The following WHAMM variants were observed in gnomAD, a reference collection of about 807,000 sequenced individuals.
The protein encoded by WHAMM is WASP homolog associated with actin, golgi membranes and microtubules.
Under a neutral mutation model 76.5 loss-of-function variants are expected in WHAMM, and 67 were observed. That is an observed-to-expected ratio of 0.88 (90% CI 0.72 to 1.07). The LOEUF is 1.07. WHAMM is among the 50% of genes least tolerant of loss of function. The pLI, the probability that WHAMM is intolerant of heterozygous loss-of-function variation, is 0.00. For synonymous variants in WHAMM, 419 were observed against 422.1 expected, an observed-to-expected ratio of 0.99 and a Z score of 0.09; for missense variants, 1,021 against 1,051.1, an observed-to-expected ratio of 0.97 and a Z score of 0.40.
rs2050781748 is a variant in WHAMM at position 82,819,392 on chromosome 15, A to C, written c.1174A>C (p.Ile392Leu). 1 of 1,193,216 alleles carries C rather than the reference A, an allele frequency of 8.4e-7. No homozygotes were observed. 73.9% of individuals were successfully genotyped at this position (1,193,216 alleles called of 1,614,324 possible). A position where few individuals can be genotyped will look rare whatever the true frequency, so the allele number is the denominator to read the frequency against. ...VDELEIQFYE[I>L]QLELYEVKFE... is the part of the protein sequence containing the mutation. The stretch of plus-strand genomic sequence containing the variant: ...TGAATTAGAAATACAATTTTATGAA[A>C]TTCAATTAGAACTATATGAAGTTAA... The change falls in exon 5 of 10, where the codon ATT (isoleucine) becomes CTT (leucine). Residue 392 changes from isoleucine (I) to leucine (L), a missense_variant. Transcript: ENST00000286760.
At chr15:82,815,150 TATATA>T (rs1329151810) in intron 2 of WHAMM, among the ~76,000 whole-genome samples, 3,407 of 33,422 alleles carry the variant, frequency 0.1, 253 homozygotes, top group Middle Eastern at 0.2. Context: ...TATATATATA[TATATA>T]GTACAATTCA....
Position 82,823,128 on chromosome 15 carries a change from T to A in WHAMM, c.1299T>A (p.Asp433Glu), listed in dbSNP as rs1366349548. Reference sequence around the variant, plus strand: ...AACAAGATGAAGTTGTCTATTACGATCCATGTGAAAATCCAGAGGAACTTA... The same window carrying A: ...AACAAGATGAAGTTGTCTATTACGAACCATGTGAAAATCCAGAGGAACTTA... ...KEKQDEVVYY[D>E]PCENPEELKV... is the part of the protein sequence containing the mutation. The change falls in exon 6 of 10, where the codon GAT becomes GAA. Residue 433 changes from aspartate to glutamate, a missense_variant. Transcript: ENST00000286760. 2 of 1,442,872 alleles carry A rather than the reference T, an allele frequency of 1.4e-6. No individual in the cohort carries two copies. Among genetic ancestry groups the A allele is most frequent in the Non-Finnish European group, 1.8e-6 (2 of 1,085,906 alleles). 89.4% of individuals were successfully genotyped at this position (1,442,872 alleles called of 1,614,324 possible).
In WHAMM at chr15:82,833,076, G is replaced by T. The variant is rs569942952; in HGVS notation, c.2123-153G>T. Among the ~76,000 whole-genome samples the T allele has an allele frequency of 2.6e-5, 4 of 152,344 alleles. No homozygotes were observed. In the South Asian group the frequency reaches 8.3e-4, roughly 32 times the overall value. On this transcript the variant is annotated intron_variant, in intron 9 of 9. Transcript: ENST00000286760. Reference sequence around the variant, plus strand: ...CCTGGATTCAACCAGGGAGCTTATCGTTAGCACGTAATCAAGGCATTTGCT... The same window carrying T: ...CCTGGATTCAACCAGGGAGCTTATCTTTAGCACGTAATCAAGGCATTTGCT...
chr15:82,826,774 G>C lies in WHAMM; in HGVS notation c.1569G>C (p.Glu523Asp), dbSNP rs147529123. 206 of 1,547,444 alleles carry C rather than the reference G, an allele frequency of 1.3e-4. No homozygotes were observed. The African/African-American group carries it at 2.7e-3, about 20-fold the overall frequency. Residue 523 changes from glutamate to aspartate, a missense_variant, in exon 8 of 10, where the codon GAG becomes GAC. Physicochemically the swap from Glu to Asp is conservative, Grantham distance 45. Around this residue, in one of 3 missense-constraint regions of WHAMM, gnomAD observed 509 missense variants for 492.3 expected, o/e 1.03. Transcript: ENST00000286760. ...IQMKRDKIKE[E>D]EQKKKEWINQ... ...AGAAAAGAGACAAGATAAAAGAAGAGGAGCAAAAGAAAAAAGAATGGATCA... is the reference window on the plus strand; with the variant it reads ...AGAAAAGAGACAAGATAAAAGAAGACGAGCAAAAGAAAAAAGAATGGATCA...
intron 5 of WHAMM, among the ~76,000 whole-genome samples, chr15:82,821,239 TTTAA>T (rs975703216): frequency 6.6e-6 from 1 of 152,234 alleles, no homozygotes; most frequent in Non-Finnish European, 1.5e-5. Context: ...TTCAGAAATA[TTTAA>T]TTTTTATGAA....
chr15:82,828,574 A>T (rs1304049024), intron 8 of WHAMM, among the ~76,000 whole-genome samples: 1 of 152,198 alleles, frequency 6.6e-6, no homozygotes, highest in Non-Finnish European at 1.5e-5. Context: ...TCCAAGGGCA[A>T]CCAGCCCATC....
chr15:82,833,076 G>A (rs569942952), intron 9 of WHAMM, among the ~76,000 whole-genome samples, 153 bp from the exon 10 acceptor site: 3 of 152,226 alleles, frequency 2.0e-5, no homozygotes, highest in Non-Finnish European at 2.9e-5. Context: ...GGAGCTTATC[G>A]TTAGCACGTA....
intron 6 of WHAMM, among the ~76,000 whole-genome samples, chr15:82,823,990 T>C (rs1049756411): frequency 6.6e-6 from 1 of 152,148 alleles, no homozygotes; most frequent in Non-Finnish European, 1.5e-5. Flanking sequence ...AATATTCAGC[T>C]CACCTCAGAC....
At position 82,833,896 on chromosome 15, in the gene WHAMM, G is replaced by T; in HGVS notation, c.*360G>T. On this transcript the variant is annotated 3_prime_UTR_variant, in exon 10 of 10. Transcript: ENST00000286760. ...CTGGGACTACAGGCGCCACCACCTT[G>T]CCCAACTAATTTTTTGTATTTTTTA... 1 of 201,344 alleles carries T rather than the reference G, an allele frequency of 5.0e-6. No homozygotes were observed. Among genetic ancestry groups the T allele is most frequent in the South Asian group, 9.9e-5 (1 of 10,076 alleles). The allele number at this position is 201,344 out of a possible 1,614,324, so 12.5% of individuals were successfully genotyped here.
intron 9 of WHAMM, 73 bp downstream of exon 9, chr15:82,831,152 A>G: frequency 5.2e-6 from 8 of 1,527,624 alleles, no homozygotes; most frequent in Non-Finnish European, 7.0e-6. Flanking sequence ...TTCAGAAGCC[A>G]TCATCTTCAA....
In WHAMM at chr15:82,835,402, G is replaced by T. The variant is rs1309755032; in HGVS notation, c.*1866G>T. 1.3e-5 allele frequency: 2 copies of T among 152,504 alleles called. No individual in the cohort carries two copies. The highest frequency in any genetic ancestry group is 4.8e-5 in the African/African-American group (2 of 41,476). The allele number at this position is 152,504 out of a possible 1,614,324, so 9.4% of individuals were successfully genotyped here. On this transcript the variant is annotated 3_prime_UTR_variant, in exon 10 of 10. Coordinates refer to ENST00000286760, the MANE Select transcript of WHAMM (RefSeq NM_001080435.3). ...GCCTCCCAAATGCTGGGGGTTACAG[G>T]CGTGAGCCACCACACCTGGCCTTCC...
In WHAMM at chr15:82,809,978, C is replaced by T. The variant is rs2050597426; in HGVS notation, c.252C>T (p.Ala84=). The T allele has an allele frequency of 7.8e-7, 1 of 1,288,044 alleles. No homozygotes were observed. 79.8% of individuals were successfully genotyped at this position (1,288,044 alleles called of 1,614,324 possible). ...CCAGCTGGGCCGGCCTGCTCTCGGC[C>T]GCGGGGCTCCGCGGCGCGCACCGGC... The part of the protein sequence containing the change: ...SPSSWAGLLS[A]AGLRGAHRQL... Residue 84 remains alanine, a synonymous_variant, in exon 1 of 10, where the codon GCC becomes GCT. Transcript: ENST00000286760.
chr15:82,819,844 A>G (rs2050788984), intron 5 of WHAMM, among the ~76,000 whole-genome samples: 1 of 152,074 alleles, frequency 6.6e-6, no homozygotes, highest in Non-Finnish European at 1.5e-5. Flanking sequence ...AAATACAAAA[A>G]TACTAAACCC....
At chr15:82,831,216 G>T in intron 9 of WHAMM, 137 bp downstream of exon 9, 1 of 1,435,584 alleles carries the variant, frequency 7.0e-7, no homozygotes, top group South Asian at 1.4e-5. Context: ...AGTATTTGCT[G>T]CCTTGAGTAT....
intron 2 of WHAMM, among the ~76,000 whole-genome samples, chr15:82,814,119 A>G (rs1445530465): frequency 6.6e-6 from 1 of 152,236 alleles, no homozygotes; most frequent in Non-Finnish European, 1.5e-5. Context: ...CTCTTGCTTC[A>G]TTGAGCCATC....
rs780627143 is a variant in WHAMM at position 82,813,248 on chromosome 15, T to C, written c.755T>C (p.Val252Ala). Residue 252 changes from valine (V) to alanine (A), a missense_variant, in exon 2 of 10, where the codon GTT becomes GCT. This residue lies in a region of WHAMM where 501 missense variants were observed against 524.9 expected (regional missense o/e 0.95). Coordinates refer to ENST00000286760, the MANE Select transcript of WHAMM (RefSeq NM_001080435.3). ...CAGCCATTTAGGGCTATGCGAGAAG[T>C]TGCAACTTTATGTAAGCTTGATATT... Reference protein sequence around the residue: ...LLQPFRAMREVATLCKLDILK... With the variant: ...LLQPFRAMREAATLCKLDILK... The C allele has an allele frequency of 2.5e-5, 40 of 1,579,622 alleles. No homozygotes were observed. The highest frequency in any genetic ancestry group is 1.7e-4 in the Middle Eastern group (1 of 5,960).
intron 9 of WHAMM, among the ~76,000 whole-genome samples, chr15:82,831,790 G>T (rs538250512): frequency 8.5e-5 from 13 of 152,326 alleles, no homozygotes; most frequent in African/African-American, 3.1e-4. Context: ...TCTTTGGGGG[G>T]TATGTGTGTG....
chr15:82,835,371 AC>A lies in WHAMM; in HGVS notation c.*1837del, dbSNP rs2051114873. ...GATCTCTTGACCTCGTGATCCTCCC[AC>A]CTTGGCCTCCCAAATGCTGGGGGTT... On this transcript the variant is annotated 3_prime_UTR_variant, in exon 10 of 10. Coordinates refer to ENST00000286760, the MANE Select transcript of WHAMM (RefSeq NM_001080435.3). 1 of 152,220 alleles carries A rather than the reference AC, an allele frequency of 6.6e-6. No individual in the cohort carries two copies. Among genetic ancestry groups the A allele is most frequent in the Admixed American group, 6.5e-5 (1 of 15,270 alleles). The allele number at this position is 152,220 out of a possible 1,614,324, so 9.4% of individuals were successfully genotyped here. A position where few individuals can be genotyped will look rare whatever the true frequency, so the allele number is the denominator to read the frequency against.
At chr15:82,823,614 A>G (rs935282729) in intron 6 of WHAMM, among the ~76,000 whole-genome samples, 2 of 152,028 alleles carry the variant, frequency 1.3e-5, no homozygotes, top group Admixed American at 6.5e-5. Context: ...CACCCAGGCT[A>G]GAGTGCAGAG....
Sources: allele counts gnomAD v4.1 joint callset (sites outside exome capture counted in the v4.1 genomes callset), GRCh38; gene constraint gnomAD v4.1.1; regional missense constraint gnomAD v4.1.1; transcripts MANE v1.5; gene names NCBI Gene and HGNC (gene_info 2026-07-23, HGNC 2026-07-21).